The following TTLL5 variants were observed in gnomAD, a reference collection of about 807,000 sequenced individuals.
TTLL5 encodes tubulin tyrosine ligase like 5.
A neutral mutation model predicts 168.4 loss-of-function variants in TTLL5; 132 were observed. The observed-to-expected ratio is 0.78, with a 90% confidence interval of 0.68 to 0.91. TTLL5 has a LOEUF of 0.91. Among genes scored for constraint, TTLL5 ranks in the 40% least tolerant of loss-of-function variants. The pLI is 0.00. For missense variants in TTLL5, 1,545 were observed against 1,581.5 expected, an observed-to-expected ratio of 0.98 and a Z score of 0.39; for synonymous variants, 546 against 558.6, an observed-to-expected ratio of 0.98 and a Z score of 0.32.
chr14:75,717,851 C>T lies in TTLL5; in HGVS notation c.741-10C>T, dbSNP rs1049277254. On this transcript the variant is annotated splice_polypyrimidine_tract_variant and intron_variant, in intron 9 of 31. Transcript: ENST00000298832. ...TGTTCCTGGCATTTAACCTGTTTCC[C>T]TTCTATCAGGTTTGCAACTGTGCGA... 14 of 1,612,210 alleles carry T rather than the reference C, an allele frequency of 8.7e-6. No homozygotes were observed. Among genetic ancestry groups the T allele is most frequent in the Non-Finnish European group, 1.1e-5 (13 of 1,178,880 alleles).
At chr14:75,954,198 A>T (rs185410928) in intron 31 of TTLL5, among the ~76,000 whole-genome samples, 1 of 140,046 alleles carries the variant, frequency 7.1e-6, no homozygotes, top group African/African-American at 2.7e-5. Flanking sequence ...GCTTGCAGTG[A>T]GCCGAGATCG....
intron 26 of TTLL5, among the ~76,000 whole-genome samples, chr14:75,787,867 A>G (rs898549065): frequency 6.6e-6 from 1 of 152,248 alleles, no homozygotes; most frequent in Non-Finnish European, 1.5e-5. Context: ...ATGTATTTCA[A>G]AATTTAAGAG....
In TTLL5 at chr14:75,886,816, G is replaced by A. The variant is rs2032149559; in HGVS notation, c.3740+3914G>A. ...TGCATCTGAACTGTCTCTTGTAAAT[G>A]AGCTTTTTTCAGAGCCAGAATCATA... On this transcript the variant is annotated intron_variant, in intron 30 of 31. Transcript: ENST00000298832. The A allele has an allele frequency of 2.5e-6, 4 of 1,571,302 alleles. No homozygotes were observed. The Admixed American group carries it at 5.5e-5, about 22-fold the overall frequency.
At chr14:75,888,605 A>T (rs2032233734) in intron 30 of TTLL5, among the ~76,000 whole-genome samples, 1 of 152,154 alleles carries the variant, frequency 6.6e-6, no homozygotes, top group South Asian at 2.1e-4. Context: ...GGGGCCTGGC[A>T]ATAGGTGGTA....
intron 17 of TTLL5, among the ~76,000 whole-genome samples, chr14:75,748,397 T>A (rs1033865112): frequency 6.6e-6 from 1 of 152,238 alleles, no homozygotes; most frequent in African/African-American, 2.4e-5. Context: ...TGCTTTTGTA[T>A]TTACTGTGTG....
At chr14:75,739,428 G>T (rs1177981964) in intron 15 of TTLL5, among the ~76,000 whole-genome samples, 1 of 151,824 alleles carries the variant, frequency 6.6e-6, no homozygotes, top group Non-Finnish European at 1.5e-5. Context: ...TCTTTGTTCT[G>T]ACCAGTTAGA....
intron 6 of TTLL5, among the ~76,000 whole-genome samples, chr14:75,696,643 A>G (rs1885896673): frequency 6.6e-6 from 1 of 152,212 alleles, no homozygotes; most frequent in Non-Finnish European, 1.5e-5. Flanking sequence ...ATATATTCCC[A>G]TGGTACAAAA....
chr14:75,698,051 T>C (rs1055643563), intron 6 of TTLL5, among the ~76,000 whole-genome samples: 1 of 152,236 alleles, frequency 6.6e-6, no homozygotes, highest in African/African-American at 2.4e-5. Flanking sequence ...CCATCTCTGC[T>C]TTGAAACAGT....
intron 15 of TTLL5, among the ~76,000 whole-genome samples, chr14:75,737,020 G>T (rs1015384141): frequency 6.6e-6 from 1 of 152,204 alleles, no homozygotes; most frequent in African/African-American, 2.4e-5. Flanking sequence ...AAAGGATCAT[G>T]AACATTTCTG....
intron 9 of TTLL5, chr14:75,710,481 A>C (rs1003702663): frequency 1.3e-5 from 2 of 152,224 alleles, no homozygotes; most frequent in Non-Finnish European, 2.9e-5. Flanking sequence ...CAGCTTTTAA[A>C]AAACTCAGAC....
At chr14:75,900,708 G>A (rs750020445) in intron 30 of TTLL5, among the ~76,000 whole-genome samples, 12 of 152,114 alleles carry the variant, frequency 7.9e-5, no homozygotes, top group Admixed American at 4.6e-4. Flanking sequence ...CAATTTCCTC[G>A]TGAAACGCTC....
chr14:75,699,873 C>T (rs7143200), intron 7 of TTLL5, among the ~76,000 whole-genome samples: 2,368 of 152,292 alleles, frequency 0.016, 78 homozygotes, highest in African/African-American at 0.054. Context: ...CTACTGGTCT[C>T]ACTCCCTGGA....
intron 29 of TTLL5, among the ~76,000 whole-genome samples, chr14:75,882,097 T>G (rs2031847441): frequency 6.6e-6 from 1 of 152,174 alleles, no homozygotes. Flanking sequence ...GTCAACAAAG[T>G]GTTTCTAGCT....
At chr14:75,898,331 T>C (rs2032764967) in intron 30 of TTLL5, among the ~76,000 whole-genome samples, 1 of 152,152 alleles carries the variant, frequency 6.6e-6, no homozygotes, top group South Asian at 2.1e-4. Context: ...ACTGCACTCT[T>C]ATTCTCACGC....
At chr14:75,747,484 A>T (rs1398803862) in intron 17 of TTLL5, among the ~76,000 whole-genome samples, 1 of 150,958 alleles carries the variant, frequency 6.6e-6, no homozygotes, top group African/African-American at 2.4e-5. Context: ...GACATTGCAG[A>T]TGTTATATTG....
At chr14:75,906,537 CT>C in intron 31 of TTLL5, 1 of 985,782 alleles carries the variant, frequency 1.0e-6, no homozygotes, top group Non-Finnish European at 1.2e-6. Context: ...AGTAGAGATA[CT>C]TTTTTCCATT....
At chr14:75,853,205 G>A (rs1158147827) in intron 28 of TTLL5, among the ~76,000 whole-genome samples, 1 of 152,190 alleles carries the variant, frequency 6.6e-6, no homozygotes, top group African/African-American at 2.4e-5. Flanking sequence ...GATTGTCACT[G>A]TCTTTGCATT....
intron 29 of TTLL5, among the ~76,000 whole-genome samples, chr14:75,874,459 C>A (rs552204156): frequency 6.6e-6 from 1 of 152,258 alleles, no homozygotes; most frequent in South Asian, 2.1e-4. Flanking sequence ...GCATAAATAT[C>A]TTACAAACAT....
At chr14:75,920,784 A>G (rs2033799363) in intron 31 of TTLL5, among the ~76,000 whole-genome samples, 1 of 152,226 alleles carries the variant, frequency 6.6e-6, no homozygotes. Context: ...TCGCTGGATC[A>G]AATGGTAATT....
Sources: allele counts gnomAD v4.1 joint callset (sites outside exome capture counted in the v4.1 genomes callset), GRCh38; gene constraint gnomAD v4.1.1; transcripts MANE v1.5; gene names NCBI Gene and HGNC (gene_info 2026-07-23, HGNC 2026-07-21).